BEGAIN: variants seen among roughly 807,000 people sequenced by gnomAD.
BEGAIN encodes brain-enriched guanylate kinase-associated protein.
A neutral mutation model predicts 35.8 loss-of-function variants in BEGAIN; 19 were observed. That is an observed-to-expected ratio of 0.53 (90% confidence interval 0.37 to 0.78). BEGAIN has a LOEUF of 0.78. Among genes scored for constraint, BEGAIN ranks in the 30% least tolerant of loss-of-function variants. The probability of loss-of-function intolerance (pLI) is 0.00; values close to 1 mark genes in which losing one functional copy is unlikely to be tolerated. For missense variants in BEGAIN, 795 were observed against 853.6 expected (o/e 0.93, Z 0.85); for synonymous variants, 462 against 388.6 (o/e 1.19, Z -2.22).
chr14:100,571,024 T>C (rs912580758), intron 1 of BEGAIN, among the ~76,000 whole-genome samples: 2 of 151,656 alleles, frequency 1.3e-5, no homozygotes, highest in Admixed American at 6.6e-5. Context: ...GGGGGCGGGA[T>C]CTCCCTTAGG....
Position 100,539,344 on chromosome 14 carries a change from G to A in BEGAIN, c.493-29C>T, listed in dbSNP as rs755948383. The A allele has an allele frequency of 9.2e-6, 14 of 1,525,820 alleles. No individual in the cohort carries two copies. The South Asian group carries it at 1.3e-4, about 14-fold the overall frequency. The allele number at this position is 1,525,820 out of a possible 1,614,324, so 94.5% of individuals were successfully genotyped here. On this transcript the variant is annotated intron_variant, in intron 6 of 6. Transcript: ENST00000554140. ...GAACGGGTGCGAGGAGGGGGACGGC[G>A]GGTACAGGGTCACTGTTAGCATGGC... is the stretch of plus-strand genomic sequence containing the variant.
intron 1 of BEGAIN, 30 bp downstream of exon 1, chr14:100,587,219 G>C (rs1436262888): frequency 5.4e-6 from 1 of 186,322 alleles, no homozygotes; most frequent in Admixed American, 6.1e-5. Context: ...CCGCGCCCGC[G>C]CCCTGCCCTC....
At position 100,563,959 on chromosome 14, in the gene BEGAIN, G is replaced by A. The variant is rs1266302614; in HGVS notation, c.71+3952C>T. ...ATCCAGGTATGAGGTCCCAAAGCAG[G>A]CAACATACAACCATCTCTGCTGGGG... On this transcript the variant is annotated intron_variant, in intron 2 of 6. Transcript: ENST00000554140. This position sits in a 1 kb window ranked among gnomAD's most constrained non-coding sequence, Gnocchi z 4.2. Among the ~76,000 whole-genome samples, 2 of 152,212 alleles carry A rather than the reference G, an allele frequency of 1.3e-5. No individual in the cohort carries two copies. The highest frequency in any genetic ancestry group is 2.4e-5 in the African/African-American group (1 of 41,464).
chr14:100,583,650 T>C (rs1297495068), intron 1 of BEGAIN, among the ~76,000 whole-genome samples: 1 of 151,542 alleles, frequency 6.6e-6, no homozygotes, highest in Non-Finnish European at 1.5e-5. Flanking sequence ...TTCTTTCTTT[T>C]CTTTTTTTCT....
At chr14:100,554,622 AAT>A (rs1485399187) in intron 2 of BEGAIN, among the ~76,000 whole-genome samples, 1 of 151,518 alleles carries the variant, frequency 6.6e-6, no homozygotes, top group Non-Finnish European at 1.5e-5. Context: ...GGATGAGGTC[AAT>A]TGCTGCCCCT....
intron 1 of BEGAIN, among the ~76,000 whole-genome samples, chr14:100,579,445 C>A (rs1319658052): frequency 1.3e-5 from 2 of 152,168 alleles, no homozygotes; most frequent in African/African-American, 4.8e-5. Flanking sequence ...CCACTGCACC[C>A]CACACAGAGA....
intron 2 of BEGAIN, among the ~76,000 whole-genome samples, chr14:100,553,567 C>A (rs1280175165): frequency 6.6e-6 from 1 of 152,178 alleles, no homozygotes; most frequent in Non-Finnish European, 1.5e-5. Context: ...GCCCCCACAC[C>A]CATCCAGACC....
At chr14:100,575,202 G>A (rs2035176156) in intron 1 of BEGAIN, among the ~76,000 whole-genome samples, 1 of 152,172 alleles carries the variant, frequency 6.6e-6, no homozygotes, top group South Asian at 2.1e-4. Flanking sequence ...CTGCAGGTTG[G>A]TGACTGGAAG....
Position 100,539,023 on chromosome 14 carries a change from C to T in BEGAIN, c.785G>A (p.Arg262Gln), listed in dbSNP as rs992520025. 2.1e-5 allele frequency: 34 copies of T among 1,611,220 alleles called. No homozygotes were observed. The highest frequency in any genetic ancestry group is 8.0e-5 in the African/African-American group (6 of 74,924). Residue 262 changes from arginine to glutamine, a missense_variant, in exon 7 of 7, where the codon CGG (arginine) becomes CAG (glutamine). Transcript: ENST00000554140. Reference sequence around the variant, plus strand: ...CACGGGCGCGTCCACGCTAGGCCGCCGGTCTCGCCGCCGCTCCTCCGGGCA... The same window carrying T: ...CACGGGCGCGTCCACGCTAGGCCGCTGGTCTCGCCGCCGCTCCTCCGGGCA... Reference protein sequence around the residue: ...LYCPEERRRDRRPSVDAPVTD... With the variant: ...LYCPEERRRDQRPSVDAPVTD...
chr14:100,550,766 C>T (rs11846581), intron 2 of BEGAIN, among the ~76,000 whole-genome samples: 4 of 152,088 alleles, frequency 2.6e-5, no homozygotes, highest in Non-Finnish European at 4.4e-5. Flanking sequence ...CCCAGCTCAG[C>T]GGTGGCACTG....
intron 5 of BEGAIN, among the ~76,000 whole-genome samples, chr14:100,543,247 C>A (rs1471574094): frequency 6.6e-6 from 1 of 152,204 alleles, no homozygotes; most frequent in Non-Finnish European, 1.5e-5. Flanking sequence ...TTCTAACATA[C>A]CCCAGAGTTT....
intron 2 of BEGAIN, among the ~76,000 whole-genome samples, chr14:100,557,453 G>T (rs148145589): frequency 4.4e-4 from 67 of 152,312 alleles, no homozygotes; most frequent in Middle Eastern, 3.4e-3. Context: ...CATCCATGGG[G>T]ACCCCGTGCG....
At chr14:100,578,322 G>C (rs1359536499) in intron 1 of BEGAIN, among the ~76,000 whole-genome samples, 1 of 152,232 alleles carries the variant, frequency 6.6e-6, no homozygotes, top group Admixed American at 6.5e-5. Flanking sequence ...TGCGGTGCAG[G>C]GTGCAGGGGC....
intron 2 of BEGAIN, chr14:100,550,369 G>A (rs2033065095): frequency 7.5e-6 from 3 of 398,964 alleles, no homozygotes; most frequent in Non-Finnish European, 1.3e-5. Context: ...CAGATGTCTG[G>A]GGACAGACGC....
chr14:100,579,734 G>A (rs148428009), intron 1 of BEGAIN, among the ~76,000 whole-genome samples: 1 of 152,290 alleles, frequency 6.6e-6, no homozygotes, highest in African/African-American at 2.4e-5. Context: ...AAAACTCAGT[G>A]CGTGGCCTCA....
chr14:100,556,269 GACT>G (rs1428402830), intron 2 of BEGAIN, among the ~76,000 whole-genome samples: 2 of 152,138 alleles, frequency 1.3e-5, no homozygotes, highest in African/African-American at 4.8e-5. Context: ...CCTGCCTGGA[GACT>G]GGAGTCAGGA....
intron 4 of BEGAIN, 44 bp from the exon 5 acceptor site, chr14:100,544,009 T>A: frequency 6.8e-7 from 1 of 1,465,628 alleles, no homozygotes; most frequent in Non-Finnish European, 9.4e-7. Context: ...GGTTGGCTCC[T>A]GGTGAGCCAA....
At chr14:100,544,608 C>T (rs1207356787) in intron 4 of BEGAIN, among the ~76,000 whole-genome samples, 2 of 152,268 alleles carry the variant, frequency 1.3e-5, no homozygotes, top group East Asian at 1.9e-4. Flanking sequence ...ACAGAGGGGT[C>T]CCCATGAGAG....
At chr14:100,542,994 C>T (rs956073866) in intron 5 of BEGAIN, among the ~76,000 whole-genome samples, 1 of 152,226 alleles carries the variant, frequency 6.6e-6, no homozygotes, top group Admixed American at 6.5e-5. Context: ...CTCCCCCTCC[C>T]GCTGGGCGCT....
Sources: gnomAD v4.1 joint callset for allele counts (sites outside exome capture counted in the v4.1 genomes callset) on GRCh38, gnomAD v4.1.1 for gene constraint, Gnocchi (gnomAD v3.1) non-coding constraint, MANE v1.5 for transcripts, NCBI Gene and HGNC (gene_info 2026-07-23, HGNC 2026-07-21) for gene names.